Variants in WDR36 observed in about 807,000 individuals in gnomAD.
WDR36 encodes WD repeat-containing protein 36.
In WDR36, 63 loss-of-function variants were observed where a neutral mutation model predicts 112.7. The observed-to-expected ratio is 0.56, with a 90% CI of 0.46 to 0.69. The LOEUF is 0.69. Ranked by LOEUF, WDR36 falls within the 30% of genes least tolerant of loss-of-function variation. The probability of loss-of-function intolerance (pLI) is 0.00; values close to 1 mark genes in which losing one functional copy is unlikely to be tolerated. For synonymous variants in WDR36, 410 were observed against 362.2 expected (o/e 1.13, Z -1.50); for missense variants, 1,226 against 1,070.3 (o/e 1.15, Z -2.03).
intron 9 of WDR36, 80 bp from the exon 10 acceptor site, chr5:111,105,215 T>C: frequency 2.8e-6 from 4 of 1,447,496 alleles, no homozygotes; most frequent in Admixed American, 3.4e-5. Flanking sequence ...ATTTTCAAAT[T>C]GAATTTTATA....
At position 111,105,364 on chromosome 5, in the gene WDR36, G is replaced by C. The variant is rs771309828; in HGVS notation, c.1093+4G>C. On this transcript the variant is annotated splice_donor_region_variant and intron_variant, in intron 10 of 22. Coordinates refer to ENST00000513710, the MANE Select transcript of WDR36 (RefSeq NM_139281.3). ...TTCAATAAGAGCTTGGGACATGGTA[G>C]GTCCTCTACAAGACAAAATAAGCTG... The C allele has an allele frequency of 6.2e-7, 1 of 1,608,692 alleles. No homozygotes were observed. Among genetic ancestry groups the C allele is most frequent in the African/African-American group, 1.3e-5 (1 of 74,732 alleles).
At chr5:111,100,041 C>T (rs575792884) in intron 4 of WDR36, among the ~76,000 whole-genome samples, 38 of 151,424 alleles carry the variant, frequency 2.5e-4, no homozygotes, top group African/African-American at 8.5e-4. Flanking sequence ...TGCCACCCCC[C>T]ACTCCACAGG....
intron 2 of WDR36, 153 bp from the exon 3 acceptor site, chr5:111,096,926 T>C (rs1752999093): frequency 1.7e-6 from 1 of 585,656 alleles, no homozygotes; most frequent in Non-Finnish European, 3.0e-6. Context: ...ATCTAAAATA[T>C]TTTAGTTAAA....
chr5:111,119,076 C>A lies in WDR36; in HGVS notation c.1860C>A (p.Asp620Glu). The change falls in exon 17 of 23, where the codon GAC (aspartate) becomes GAA (glutamate). Residue 620 changes from aspartate to glutamate, a missense_variant. Transcript: ENST00000513710. ...ATGTTTCTATGTCTCCTACTGGAGA[C>A]TTTCTGGCAACTTCCCATGTGGACC... ...PLNVSMSPTG[D>E]FLATSHVDHL... 6.2e-7 allele frequency: 1 copy of A among 1,613,598 alleles called. No individual in the cohort carries two copies. Among genetic ancestry groups the A allele is most frequent in the Non-Finnish European group, 8.5e-7 (1 of 1,179,626 alleles).
chr5:111,104,154 A>G, intron 7 of WDR36, 23 bp from the exon 8 acceptor site: 1 of 1,594,908 alleles, frequency 6.3e-7, no homozygotes, highest in Non-Finnish European at 8.6e-7. Flanking sequence ...TATTTTTCTT[A>G]ATGTATTTTA....
At chr5:111,118,403 T>C (rs530805486) in intron 16 of WDR36, among the ~76,000 whole-genome samples, 3 of 152,298 alleles carry the variant, frequency 2.0e-5, no homozygotes, top group Admixed American at 1.3e-4. Flanking sequence ...TCACCCCAAC[T>C]TGTAAATCCC....
intron 5 of WDR36, among the ~76,000 whole-genome samples, chr5:111,101,830 A>T (rs1296182208): frequency 4.0e-5 from 6 of 151,782 alleles, no homozygotes; most frequent in East Asian, 1.9e-4. Context: ...CCATTTACAG[A>T]ATTTAATACA....
rs1377400177 is a variant in WDR36 at position 111,119,098 on chromosome 5, G to A, written c.1882G>A (p.Asp628Asn). 2.5e-6 allele frequency: 4 copies of A among 1,612,854 alleles called. No individual in the cohort carries two copies. Among genetic ancestry groups the A allele is most frequent in the East Asian group, 2.2e-5 (1 of 44,852 alleles). ...TGDFLATSHV[D>N]HLGIYLWSNI... ...AGACTTTCTGGCAACTTCCCATGTG[G>A]ACCACCTTGGAATTTATCTATGGTA... The change falls in exon 17 of 23, where the codon GAC becomes AAC. Residue 628 changes from aspartate to asparagine, a missense_variant. Coordinates refer to ENST00000513710, the MANE Select transcript of WDR36 (RefSeq NM_139281.3).
At chr5:111,122,942 T>A (rs925229299) in intron 19 of WDR36, among the ~76,000 whole-genome samples, 23 of 152,116 alleles carry the variant, frequency 1.5e-4, no homozygotes, top group Non-Finnish European at 2.5e-4. Context: ...AAACCCCATC[T>A]CTACTATAAA....
rs1271308241 is a variant in WDR36 at position 111,104,685 on chromosome 5, A to G, written c.907-12A>G. 2.5e-6 allele frequency: 4 copies of G among 1,610,788 alleles called. No individual in the cohort carries two copies. The highest frequency in any genetic ancestry group is 3.3e-4 in the Middle Eastern group (2 of 6,042). ...ACATTGTAGAAGAACTGACGTTTTT[A>G]TTTCTTGGCAGATATGGATATTTGA... On this transcript the variant is annotated splice_polypyrimidine_tract_variant and intron_variant, in intron 8 of 22. Transcript: ENST00000513710.
chr5:111,095,729 G>C (rs1274580973), intron 2 of WDR36, among the ~76,000 whole-genome samples: 3 of 152,124 alleles, frequency 2.0e-5, no homozygotes. Context: ...AAACACTTCT[G>C]GTCTCAAACA....
At chr5:111,107,143 C>A in intron 11 of WDR36, 151 bp from the exon 12 acceptor site, 1 of 886,134 alleles carries the variant, frequency 1.1e-6, no homozygotes, top group Non-Finnish European at 1.7e-6. Context: ...AAAAAATAAT[C>A]TCTTGTTAGA....
chr5:111,114,163 T>C (rs763234808), intron 16 of WDR36, among the ~76,000 whole-genome samples: 5 of 152,164 alleles, frequency 3.3e-5, no homozygotes, highest in Non-Finnish European at 7.3e-5. Context: ...GTGTCGGCTT[T>C]GTTGTTAAAA....
intron 16 of WDR36, among the ~76,000 whole-genome samples, chr5:111,114,092 A>G (rs2112582026): frequency 6.6e-6 from 1 of 152,278 alleles, no homozygotes; most frequent in South Asian, 2.1e-4. Context: ...ATGGGTTGAA[A>G]TTTGCTGCTA....
chr5:111,118,976 A>G, intron 16 of WDR36, 37 bp from the exon 17 acceptor site: 1 of 1,516,080 alleles, frequency 6.6e-7, no homozygotes, highest in Non-Finnish European at 9.2e-7. Context: ...TTTTTGGTAG[A>G]GTTCAAATAC....
At position 111,127,498 on chromosome 5, in the gene WDR36, G is replaced by A. The variant is rs1295707838; in HGVS notation, c.*615G>A. ...TATGAATGATTGACTCTCAGAGTTG[G>A]AGGATAAACTAATCATCTTCTAGCA... On this transcript the variant is annotated 3_prime_UTR_variant, in exon 23 of 23. Coordinates refer to ENST00000513710, the MANE Select transcript of WDR36 (RefSeq NM_139281.3). 11 of 208,506 alleles carry A rather than the reference G, an allele frequency of 5.3e-5. No individual in the cohort carries two copies. In the East Asian group the frequency reaches 6.5e-4, roughly 12 times the overall value. The allele number at this position is 208,506 out of a possible 1,614,324, so 12.9% of individuals were successfully genotyped here. A position where few individuals can be genotyped will look rare whatever the true frequency, so the allele number is the denominator to read the frequency against.
chr5:111,108,405 C>T (rs556531465), intron 12 of WDR36, among the ~76,000 whole-genome samples: 1 of 151,262 alleles, frequency 6.6e-6, no homozygotes, highest in South Asian at 2.1e-4. Context: ...TTTGAAAATG[C>T]TTATTAAAAG....
chr5:111,115,303 T>C (rs1001545992), intron 16 of WDR36, among the ~76,000 whole-genome samples: 1 of 152,246 alleles, frequency 6.6e-6, no homozygotes, highest in African/African-American at 2.4e-5. Context: ...TGCTGCTTAA[T>C]TGCAACTAAG....
Position 111,123,884 on chromosome 5 carries a change from C to A in WDR36, c.2228C>A (p.Pro743His), listed in dbSNP as rs1435775148. ...ATTCCAACAATTCCTGGCCTTGTAC[C>A]CAGATATGCTGCACCTGAACAAAAT... is the stretch of plus-strand genomic sequence containing the variant. ...FFIPTIPGLV[P>H]RYAAPEQNND... Residue 743 changes from proline (P) to histidine (H), a missense_variant, in exon 20 of 23, where the codon CCC becomes CAC. By Grantham distance (77) the Pro-to-His change is moderately conservative. Transcript: ENST00000513710. 1.2e-6 allele frequency: 2 copies of A among 1,613,800 alleles called. No individual in the cohort carries two copies. Among genetic ancestry groups the A allele is most frequent in the Non-Finnish European group, 1.7e-6 (2 of 1,179,904 alleles).
Sources: allele counts gnomAD v4.1 joint callset (sites outside exome capture counted in the v4.1 genomes callset), GRCh38; gene constraint gnomAD v4.1.1; transcripts MANE v1.5; gene names NCBI Gene and HGNC (gene_info 2026-07-23, HGNC 2026-07-21).